The following ZBTB7C variants were observed in gnomAD, a reference collection of about 807,000 sequenced individuals.
ZBTB7C encodes the protein zinc finger and BTB domain-containing protein 7C.
Under a neutral mutation model 25.7 loss-of-function variants are expected in ZBTB7C, and 8 were observed. The observed-to-expected ratio is 0.31, with a 90% CI of 0.18 to 0.56. The LOEUF (loss-of-function observed/expected upper bound fraction) is 0.56, where lower values mean the gene tolerates loss of function less well. Among genes scored for constraint, ZBTB7C ranks in the 20% least tolerant of loss-of-function variants. The probability of loss-of-function intolerance (pLI) is 0.91; values close to 1 mark genes in which losing one functional copy is unlikely to be tolerated. For synonymous variants in ZBTB7C, 394 were observed against 369.0 expected (o/e 1.07, Z -0.78); for missense variants, 824 against 855.2 (o/e 0.96, Z 0.46).
intron 3 of ZBTB7C, among the ~76,000 whole-genome samples, chr18:48,043,615 T>C (rs2036349436): frequency 6.6e-6 from 1 of 152,106 alleles, no homozygotes; most frequent in African/African-American, 2.4e-5. Flanking sequence ...GGTGTGGCTA[T>C]AAAAGGGCAA....
chr18:48,211,879 A>T (rs1472278272), intron 2 of ZBTB7C, among the ~76,000 whole-genome samples: 1 of 152,192 alleles, frequency 6.6e-6, no homozygotes, highest in African/African-American at 2.4e-5. Flanking sequence ...CTACACAAAA[A>T]CCTGTACATG....
intron 2 of ZBTB7C, among the ~76,000 whole-genome samples, chr18:48,285,724 C>T (rs1400547351): frequency 6.6e-6 from 1 of 152,132 alleles, no homozygotes; most frequent in Non-Finnish European, 1.5e-5. Flanking sequence ...ATCTTGTGCC[C>T]TAAAACATTT....
intron 3 of ZBTB7C, among the ~76,000 whole-genome samples, chr18:48,132,182 T>C (rs2040006822): frequency 1.3e-5 from 2 of 152,210 alleles, no homozygotes; most frequent in Admixed American, 6.5e-5. Flanking sequence ...TGGGTAAATA[T>C]AATTATGAAT....
rs1056583666 is a variant in ZBTB7C, at chr18:48,293,631, C to A, written c.-79+44543G>T. Among the ~76,000 whole-genome samples the A allele has an allele frequency of 2.7e-4, 41 of 152,128 alleles. 1 individual carries two copies. The highest frequency in any genetic ancestry group is 9.4e-4 in the African/African-American group (39 of 41,504). The stretch of plus-strand genomic sequence containing the variant: ...AAAAGCAGTCCAAAGACTGAACAGA[C>A]CAAGTATAAATCATCAAAGAAGAAG... On this transcript the variant is annotated intron_variant, in intron 2 of 4. Transcript: ENST00000590800.
chr18:48,386,238 C>T (rs925052230), intron 1 of ZBTB7C, among the ~76,000 whole-genome samples: 2 of 152,192 alleles, frequency 1.3e-5, no homozygotes, highest in Non-Finnish European at 2.9e-5. Flanking sequence ...GCCCCCACAG[C>T]CCCCTGCTCA....
At chr18:48,031,814 C>T (rs1236325319) in intron 4 of ZBTB7C, among the ~76,000 whole-genome samples, 1 of 152,242 alleles carries the variant, frequency 6.6e-6, no homozygotes, top group Admixed American at 6.5e-5. Context: ...GCCAAACTCA[C>T]CCAGAGGGTC....
At chr18:48,120,800 G>A (rs1161130124) in intron 3 of ZBTB7C, among the ~76,000 whole-genome samples, 1 of 152,198 alleles carries the variant, frequency 6.6e-6, no homozygotes, top group Non-Finnish European at 1.5e-5. Flanking sequence ...TAAATGAAGC[G>A]GCTCCTTTGG....
At chr18:48,074,890 T>C (rs911210747) in intron 3 of ZBTB7C, among the ~76,000 whole-genome samples, 5 of 152,242 alleles carry the variant, frequency 3.3e-5, no homozygotes, top group African/African-American at 1.2e-4. Context: ...GTCCTCTCCA[T>C]TCAGTGATGT....
chr18:48,061,696 A>G (rs2037132183), intron 3 of ZBTB7C, among the ~76,000 whole-genome samples: 2 of 152,240 alleles, frequency 1.3e-5, no homozygotes, highest in African/African-American at 4.8e-5. Context: ...TTTCAGCTCC[A>G]AAAAGGATGC....
intron 1 of ZBTB7C, among the ~76,000 whole-genome samples, chr18:48,386,522 G>A (rs1175114490): frequency 7.2e-5 from 11 of 152,170 alleles, no homozygotes; most frequent in African/African-American, 1.7e-4. Context: ...TACCCACAGC[G>A]ACCATATTTT....
At chr18:48,208,294 G>A (rs1186738420) in intron 2 of ZBTB7C, among the ~76,000 whole-genome samples, 1 of 152,026 alleles carries the variant, frequency 6.6e-6, no homozygotes, top group Non-Finnish European at 1.5e-5. Flanking sequence ...TTTACTTTTG[G>A]AGTGTGAGTC....
intron 3 of ZBTB7C, among the ~76,000 whole-genome samples, chr18:48,092,166 A>AT (rs1469228071): frequency 2.0e-5 from 3 of 152,234 alleles, no homozygotes; most frequent in African/African-American, 7.2e-5. Context: ...CCTGGCGGAA[A>AT]TTACAGGAGG....
At chr18:48,409,133 C>A (rs1439655346) in intron 1 of ZBTB7C, 93 bp downstream of exon 1, 1 of 150,928 alleles carries the variant, frequency 6.6e-6, no homozygotes, top group African/African-American at 2.4e-5. Context: ...GCCCGCCGCC[C>A]CGCGACCTCC....
intron 1 of ZBTB7C, among the ~76,000 whole-genome samples, chr18:48,385,883 T>TG (rs1417088225): frequency 6.6e-6 from 1 of 152,050 alleles, no homozygotes; most frequent in East Asian, 1.9e-4. Context: ...TCCCTCAGAG[T>TG]GGCCTTTTCA....
intron 2 of ZBTB7C, among the ~76,000 whole-genome samples, chr18:48,327,403 G>A (rs567900897): frequency 6.6e-5 from 10 of 152,286 alleles, no homozygotes; most frequent in Non-Finnish European, 1.5e-5. Flanking sequence ...TCATTTTAAG[G>A]CCATGTGGTA....
intron 2 of ZBTB7C, among the ~76,000 whole-genome samples, chr18:48,244,293 T>C (rs1447529005): frequency 2.0e-5 from 3 of 152,180 alleles, no homozygotes; most frequent in Non-Finnish European, 4.4e-5. Flanking sequence ...CAGGTGCCTG[T>C]AGTCCCAGCT....
chr18:48,372,828 G>C (rs576975719), intron 1 of ZBTB7C, among the ~76,000 whole-genome samples: 1 of 151,972 alleles, frequency 6.6e-6, no homozygotes, highest in Non-Finnish European at 1.5e-5. Flanking sequence ...GAGAGGTCCC[G>C]TCTACATAGA....
chr18:48,072,603 A>G (rs975882599), intron 3 of ZBTB7C: 2 of 152,248 alleles, frequency 1.3e-5, no homozygotes, highest in Non-Finnish European at 2.9e-5. Context: ...CAAGCAAACA[A>G]GCAAAGACTG....
intron 1 of ZBTB7C, among the ~76,000 whole-genome samples, chr18:48,395,695 C>T (rs1262721524): frequency 1.3e-5 from 2 of 152,130 alleles, no homozygotes; most frequent in African/African-American, 4.8e-5. Context: ...AGTCCCCATA[C>T]AAAAATGTGT....
Sources: gnomAD v4.1 joint callset for allele counts (sites outside exome capture counted in the v4.1 genomes callset) on GRCh38, gnomAD v4.1.1 for gene constraint, MANE v1.5 for transcripts, NCBI Gene and HGNC (gene_info 2026-07-23, HGNC 2026-07-21) for gene names.